Variants in ANKRD6 observed in about 807,000 individuals in gnomAD.
ANKRD6 encodes ankyrin repeat domain-containing protein 6.
A neutral mutation model predicts 82.3 loss-of-function variants in ANKRD6; 56 were observed. The ratio of observed to expected loss-of-function variants is 0.68; its 90% CI spans 0.55 to 0.85. The LOEUF is 0.85. Ranked by LOEUF, ANKRD6 falls within the 40% of genes least tolerant of loss-of-function variation. The probability of loss-of-function intolerance (pLI) is 0.00; values close to 1 mark genes in which losing one functional copy is unlikely to be tolerated. For synonymous variants in ANKRD6, 347 were observed against 352.1 expected, an observed-to-expected ratio of 0.99 and a Z score of 0.16; for missense variants, 852 against 907.6, an observed-to-expected ratio of 0.94 and a Z score of 0.79.
chr6:89,473,855 C>T (rs745901284), intron 1 of ANKRD6, among the ~76,000 whole-genome samples: 4 of 152,120 alleles, frequency 2.6e-5, no homozygotes, highest in Admixed American at 6.5e-5. Flanking sequence ...TGGCACATGC[C>T]TGTAATCCCA....
At chr6:89,512,496 G>A (rs533984575) in intron 1 of ANKRD6, among the ~76,000 whole-genome samples, 4 of 152,342 alleles carry the variant, frequency 2.6e-5, no homozygotes, top group Admixed American at 1.3e-4. Flanking sequence ...GGGGCGGAGT[G>A]CAGTCATGGG....
In ANKRD6 at chr6:89,624,606, T is replaced by C. The variant is rs960256543; in HGVS notation, c.1286T>C (p.Val429Ala). 6.4e-7 allele frequency: 1 copy of C among 1,569,494 alleles called. No individual in the cohort carries two copies. The highest frequency in any genetic ancestry group is 1.9e-5 in the Admixed American group (1 of 53,190). Residue 429 changes from valine (V) to alanine (A), a missense_variant, in exon 13 of 16, where the codon GTG becomes GCG. Val to Ala is a moderately conservative substitution (Grantham distance 64, BLOSUM62 0). Coordinates refer to ENST00000339746, the MANE Select transcript of ANKRD6 (RefSeq NM_001242809.2). ...CTGGAGAATCAGTTGGAGGCTACTG[T>C]GGAGGAGATAAAAGCAGAGCTGGGA... is the stretch of plus-strand genomic sequence containing the variant. ...NKLENQLEAT[V>A]EEIKAELGSV...
At chr6:89,470,462 A>T (rs1393700855) in intron 1 of ANKRD6, among the ~76,000 whole-genome samples, 2 of 152,164 alleles carry the variant, frequency 1.3e-5, no homozygotes, top group African/African-American at 4.8e-5. Context: ...TCTACAAAAA[A>T]TTTAAAAAGT....
intron 2 of ANKRD6, among the ~76,000 whole-genome samples, chr6:89,573,432 C>T (rs868302591): frequency 6.6e-5 from 10 of 152,074 alleles, no homozygotes; most frequent in Admixed American, 3.3e-4. Context: ...TTTATCAGCC[C>T]GAGTCTTTTC....
intron 1 of ANKRD6, among the ~76,000 whole-genome samples, chr6:89,537,879 CAAAAAAAA>C (rs55864526): frequency 9.0e-6 from 1 of 110,814 alleles, no homozygotes; most frequent in Non-Finnish European, 1.8e-5. Flanking sequence ...GACAATGTCT[CAAAAAAAA>C]AAAAAAAAAA....
intron 1 of ANKRD6, among the ~76,000 whole-genome samples, chr6:89,453,933 C>T (rs1448134159): frequency 6.6e-6 from 1 of 151,930 alleles, no homozygotes; most frequent in Non-Finnish European, 1.5e-5. Flanking sequence ...TCCGGAGTAG[C>T]TGGGACTACA....
At chr6:89,573,117 C>T (rs894996033) in intron 2 of ANKRD6, among the ~76,000 whole-genome samples, 1 of 152,098 alleles carries the variant, frequency 6.6e-6, no homozygotes, top group Non-Finnish European at 1.5e-5. Flanking sequence ...TGTGTGCCAC[C>T]ATGCCTAGCT....
chr6:89,463,589 C>G (rs1774469834), intron 1 of ANKRD6, among the ~76,000 whole-genome samples: 1 of 152,192 alleles, frequency 6.6e-6, no homozygotes. Context: ...CTGTCTGTCA[C>G]CCAGGCTGGA....
intron 2 of ANKRD6, among the ~76,000 whole-genome samples, chr6:89,594,048 T>TC (rs1442314338): frequency 6.6e-6 from 1 of 152,138 alleles, no homozygotes; most frequent in East Asian, 1.9e-4. Context: ...TGGGTGCCCA[T>TC]CAGGAGGAGG....
chr6:89,598,439 A>G (rs572512922), intron 3 of ANKRD6: 28 of 984,896 alleles, frequency 2.8e-5, no homozygotes, highest in Admixed American at 1.2e-4. Flanking sequence ...GAGGTCAGCA[A>G]CTTGCTTTAC....
intron 1 of ANKRD6, among the ~76,000 whole-genome samples, chr6:89,518,569 C>T (rs947257212): frequency 2.6e-5 from 4 of 152,006 alleles, no homozygotes; most frequent in Admixed American, 2.0e-4. Flanking sequence ...TAGGCTTTGA[C>T]TGGCAGGAGC....
chr6:89,583,012 C>A (rs1473557271), intron 2 of ANKRD6, among the ~76,000 whole-genome samples: 14 of 152,212 alleles, frequency 9.2e-5, no homozygotes, highest in Non-Finnish European at 2.9e-5. Context: ...GTATTGACTG[C>A]ACGTGTAACC....
Position 89,613,787 on chromosome 6 carries a change from C to T in ANKRD6, c.517-5C>T, listed in dbSNP as rs773061355. 1.1e-5 allele frequency: 18 copies of T among 1,612,308 alleles called. No individual in the cohort carries two copies. The highest frequency in any genetic ancestry group is 3.3e-4 in the Middle Eastern group (2 of 6,078). On this transcript the variant is annotated splice_polypyrimidine_tract_variant and splice_region_variant and intron_variant, in intron 6 of 15. Coordinates refer to ENST00000339746, the MANE Select transcript of ANKRD6 (RefSeq NM_001242809.2). ...TTGTGCTTAGAGTTTGATTTTTGTCCGCAGGCAGGAGACACCTGTTTGCAC... is the reference window on the plus strand; with the variant it reads ...TTGTGCTTAGAGTTTGATTTTTGTCTGCAGGCAGGAGACACCTGTTTGCAC...
intron 1 of ANKRD6, among the ~76,000 whole-genome samples, chr6:89,527,739 C>T (rs1461979245): frequency 6.6e-6 from 1 of 151,934 alleles, no homozygotes; most frequent in African/African-American, 2.4e-5. Flanking sequence ...GATCTTACCT[C>T]AGTGTTGATG....
At chr6:89,574,516 C>T (rs1790675732) in intron 2 of ANKRD6, among the ~76,000 whole-genome samples, 4 of 152,202 alleles carry the variant, frequency 2.6e-5, no homozygotes, top group African/African-American at 9.7e-5. Context: ...TATTTTTTAA[C>T]TCATCCAGTG....
chr6:89,572,589 G>T (rs971353528), intron 2 of ANKRD6, among the ~76,000 whole-genome samples: 13 of 152,202 alleles, frequency 8.5e-5, no homozygotes, highest in African/African-American at 3.1e-4. Flanking sequence ...TCATATCCAA[G>T]AAATCATTGC....
chr6:89,436,040 G>A (rs1468470448), intron 1 of ANKRD6, among the ~76,000 whole-genome samples: 1 of 152,066 alleles, frequency 6.6e-6, no homozygotes, highest in Non-Finnish European at 1.5e-5. Flanking sequence ...ATTCCCTTAG[G>A]CTTCAGTAGT....
At chr6:89,596,625 CTA>C (rs1044548047) in intron 3 of ANKRD6, among the ~76,000 whole-genome samples, 13 of 152,278 alleles carry the variant, frequency 8.5e-5, no homozygotes, top group African/African-American at 3.1e-4. Flanking sequence ...AGCTCTGAGT[CTA>C]TTCATTCAGG....
chr6:89,546,468 GATCGATT>G (rs1785110851), intron 1 of ANKRD6, among the ~76,000 whole-genome samples: 1 of 151,912 alleles, frequency 6.6e-6, no homozygotes, highest in South Asian at 2.1e-4. Context: ...TTGATCGATT[GATCGATT>G]GATTTTGAGA....
Sources: allele counts gnomAD v4.1 joint callset (sites outside exome capture counted in the v4.1 genomes callset), GRCh38; gene constraint gnomAD v4.1.1; transcripts MANE v1.5; gene names NCBI Gene and HGNC (gene_info 2026-07-23, HGNC 2026-07-21).